The following NUP93 variants were observed in gnomAD, a reference collection of about 807,000 sequenced individuals.
The protein encoded by NUP93 is nuclear pore complex protein Nup93.
In NUP93, 55 loss-of-function variants were observed where a neutral mutation model predicts 107.8. The ratio of observed to expected loss-of-function variants is 0.51; its 90% confidence interval spans 0.41 to 0.64. The LOEUF is 0.64. NUP93 is among the 30% of genes least tolerant of loss of function. NUP93 has a pLI of 0.00. For synonymous variants in NUP93, 390 were observed against 397.5 expected (o/e 0.98, Z 0.22); for missense variants, 937 against 1,044.7 (o/e 0.90, Z 1.42).
chr16:56,789,782 A>G (rs1814615787), intron 3 of NUP93, among the ~76,000 whole-genome samples: 1 of 152,248 alleles, frequency 6.6e-6, no homozygotes, highest in Non-Finnish European at 1.5e-5. Context: ...CAAACAATTT[A>G]AAGTATTAAA....
chr16:56,801,421 T>C (rs1207741893), intron 4 of NUP93, among the ~76,000 whole-genome samples: 2 of 152,194 alleles, frequency 1.3e-5, no homozygotes, highest in Non-Finnish European at 2.9e-5. Context: ...GGATCATTTA[T>C]TTATTTTTTG....
At chr16:56,735,606 A>C (rs909117967) in intron 1 of NUP93, among the ~76,000 whole-genome samples, 1 of 152,184 alleles carries the variant, frequency 6.6e-6, no homozygotes, top group Non-Finnish European at 1.5e-5. Flanking sequence ...GCACTTTGGG[A>C]GGCCAAGGCG....
chr16:56,832,043 C>A (rs1963803292), intron 11 of NUP93, 36 bp downstream of exon 11: 2 of 1,610,068 alleles, frequency 1.2e-6, no homozygotes, highest in Non-Finnish European at 8.5e-7. Flanking sequence ...TAGGGCTTTA[C>A]CCCTTTTCTG....
At chr16:56,782,224 G>A (rs1159869749) in intron 3 of NUP93, 26 of 985,156 alleles carry the variant, frequency 2.6e-5, no homozygotes, top group Non-Finnish European at 3.1e-5. Context: ...GGTAGGATTG[G>A]CCGTGTTTTG....
At chr16:56,803,834 G>A (rs1963074753) in intron 4 of NUP93, among the ~76,000 whole-genome samples, 1 of 151,982 alleles carries the variant, frequency 6.6e-6, no homozygotes, top group Non-Finnish European at 1.5e-5. Context: ...CAGTGGTACA[G>A]TCACAGCTCA....
At chr16:56,839,909 T>C (rs779092659) in intron 20 of NUP93, 3 of 355,958 alleles carry the variant, frequency 8.4e-6, no homozygotes, top group Non-Finnish European at 1.6e-5. Flanking sequence ...ATTATCCGCT[T>C]GTGCTAGAGG....
intron 4 of NUP93, among the ~76,000 whole-genome samples, chr16:56,804,916 A>T (rs1414864678): frequency 6.6e-6 from 1 of 152,118 alleles, no homozygotes; most frequent in Non-Finnish European, 1.5e-5. Context: ...AAAAAAAAAA[A>T]AAAAAGTTTA....
chr16:56,834,071 G>T, intron 13 of NUP93, 57 bp from the exon 14 acceptor site: 1 of 1,601,266 alleles, frequency 6.2e-7, no homozygotes, highest in Non-Finnish European at 8.5e-7. Flanking sequence ...TAGTTTCTGG[G>T]TTGCATGGGT....
At chr16:56,795,530 TGACCATGC>T (rs1962877719) in intron 3 of NUP93, among the ~76,000 whole-genome samples, 1 of 152,228 alleles carries the variant, frequency 6.6e-6, no homozygotes, top group Non-Finnish European at 1.5e-5. Context: ...ATTAGGCAAA[TGACCATGC>T]CATTCGCCAT....
rs1449215042 is a variant in NUP93, at chr16:56,849,867, G to A, written c.*5258G>A. 1 of 152,182 alleles carries A rather than the reference G, an allele frequency of 6.6e-6. No homozygotes were observed. Among genetic ancestry groups the A allele is most frequent in the African/African-American group, 2.4e-5 (1 of 41,430 alleles). The allele number at this position is 152,182 out of a possible 1,614,324, so 9.4% of individuals were successfully genotyped here. On this transcript the variant is annotated 3_prime_UTR_variant, in exon 22 of 22. Coordinates refer to ENST00000308159, the MANE Select transcript of NUP93 (RefSeq NM_014669.5). Reference sequence around the variant, plus strand: ...GCTTTTGTGGGCATCGGAAATGACTGAGATACGCAGTTTTGAAGAGCTAGG... The same window carrying A: ...GCTTTTGTGGGCATCGGAAATGACTAAGATACGCAGTTTTGAAGAGCTAGG...
At chr16:56,830,849 G>A (rs1963769977) in intron 10 of NUP93, among the ~76,000 whole-genome samples, 164 bp downstream of exon 10, 1 of 152,196 alleles carries the variant, frequency 6.6e-6, no homozygotes, top group African/African-American at 2.4e-5. Context: ...AATAAGGAGT[G>A]AAAACATTAA....
intron 3 of NUP93, among the ~76,000 whole-genome samples, chr16:56,792,082 A>T (rs1052753775): frequency 2.0e-5 from 3 of 152,226 alleles, no homozygotes; most frequent in Non-Finnish European, 4.4e-5. Flanking sequence ...CCGGAGACTT[A>T]GGTGGGAGGA....
chr16:56,789,380 A>G (rs1962702128), intron 3 of NUP93, among the ~76,000 whole-genome samples: 1 of 152,256 alleles, frequency 6.6e-6, no homozygotes, highest in South Asian at 2.1e-4. Flanking sequence ...TTTTGCCTTA[A>G]TGGACACAAA....
rs183102387 is a variant in NUP93 at position 56,794,571 on chromosome 16, A to G, written c.298-3905A>G. ...GTCATTGCTTTGCATTTGTGTTGTA[A>G]GTGTGTGTGTGATAGAGAGAGAGAG... is the stretch of plus-strand genomic sequence containing the variant. On this transcript the variant is annotated intron_variant, in intron 3 of 21. Coordinates refer to ENST00000308159, the MANE Select transcript of NUP93 (RefSeq NM_014669.5). Among the ~76,000 whole-genome samples the G allele has an allele frequency of 3.3e-3, 452 of 137,286 alleles. 1 individual carries two copies. Among genetic ancestry groups the G allele is most frequent in the African/African-American group, 0.011 (395 of 36,828 alleles). 90.1% of individuals were successfully genotyped at this position (137,286 alleles called of 152,430 possible). A position where few individuals can be genotyped will look rare whatever the true frequency, so the allele number is the denominator to read the frequency against.
intron 9 of NUP93, among the ~76,000 whole-genome samples, chr16:56,829,787 A>G (rs1963743024): frequency 6.6e-6 from 1 of 152,238 alleles, no homozygotes; most frequent in East Asian, 1.9e-4. Flanking sequence ...TGCCAGGCCC[A>G]GCACTTTGGA....
chr16:56,780,613 A>T (rs1352086930), intron 3 of NUP93, among the ~76,000 whole-genome samples: 3 of 152,202 alleles, frequency 2.0e-5, no homozygotes, highest in Non-Finnish European at 4.4e-5. Flanking sequence ...GGAACAATGT[A>T]AGTTGGTTTT....
At chr16:56,766,628 G>A (rs1282568908) in intron 3 of NUP93, among the ~76,000 whole-genome samples, 1 of 152,180 alleles carries the variant, frequency 6.6e-6, no homozygotes, top group Non-Finnish European at 1.5e-5. Flanking sequence ...TTACCCATGT[G>A]CCACTTTGAT....
At chr16:56,831,730 G>A in intron 10 of NUP93, 112 bp from the exon 11 acceptor site, 1 of 1,099,786 alleles carries the variant, frequency 9.1e-7, no homozygotes, top group East Asian at 2.4e-5. Context: ...TCTTACCCCG[G>A]ATGAAGGAAG....
chr16:56,775,198 G>A (rs1194624295), intron 3 of NUP93, among the ~76,000 whole-genome samples: 4 of 152,154 alleles, frequency 2.6e-5, no homozygotes, highest in Non-Finnish European at 5.9e-5. Flanking sequence ...ACCGCGCCCA[G>A]CCCGAATTAA....
Sources: gnomAD v4.1 joint callset for allele counts (sites outside exome capture counted in the v4.1 genomes callset) on GRCh38, gnomAD v4.1.1 for gene constraint, MANE v1.5 for transcripts, NCBI Gene and HGNC (gene_info 2026-07-23, HGNC 2026-07-21) for gene names.